The following ATP1A1 variants were observed in gnomAD, a reference collection of about 807,000 sequenced individuals.
The protein encoded by ATP1A1 is ATPase Na+/K+ transporting subunit alpha 1, also known as sodium/potassium-transporting ATPase subunit alpha-1.
A neutral mutation model predicts 114.8 loss-of-function variants in ATP1A1; 14 were observed. The observed-to-expected ratio is 0.12, with a 90% CI of 0.08 to 0.19. ATP1A1 has a LOEUF of 0.19. ATP1A1 is among the 10% of genes least tolerant of loss of function. The pLI is 1.00. For missense variants in ATP1A1, 524 were observed against 1,290.7 expected (o/e 0.41, Z 9.10); for synonymous variants, 471 against 466.3 (o/e 1.01, Z -0.13).
intron 12 of ATP1A1, among the ~76,000 whole-genome samples, chr1:116,394,127 C>T (rs995901375): frequency 6.6e-6 from 1 of 152,096 alleles, no homozygotes; most frequent in African/African-American, 2.4e-5. Context: ...CATACTATTT[C>T]CTGACTGCCT....
chr1:116,404,583 T>C lies in ATP1A1; in HGVS notation c.*139T>C. 7.2e-7 allele frequency: 1 copy of C among 1,385,940 alleles called. No homozygotes were observed. Among genetic ancestry groups the C allele is most frequent in the Non-Finnish European group, 9.3e-7 (1 of 1,071,498 alleles). The allele number at this position is 1,385,940 out of a possible 1,614,324, so 85.9% of individuals were successfully genotyped here. A position where few individuals can be genotyped will look rare whatever the true frequency, so the allele number is the denominator to read the frequency against. On this transcript the variant is annotated 3_prime_UTR_variant, in exon 23 of 23. Transcript: ENST00000295598. This position sits in a 1 kb window ranked among gnomAD's most constrained non-coding sequence, Gnocchi z 4.8. ...CCGCAGCATGTGGGGAAGCAAGACG[T>C]CCTGGAATGAAGCATGTAGCTCTAT... is the stretch of plus-strand genomic sequence containing the variant.
Position 116,373,369 on chromosome 1 carries a change from C to CGG in ATP1A1, c.-143_-142insGG. On this transcript the variant is annotated 5_prime_UTR_variant, in exon 1 of 23. Coordinates refer to ENST00000295598, the MANE Select transcript of ATP1A1 (RefSeq NM_000701.8). ...GCATCGGCCCGAGCCGCCGGCCGCC[C>CGG]TCCCACCCTCCCGCCCCGCGGCAGC... 2.1e-6 allele frequency: 1 copy of CGG among 485,898 alleles called. No individual in the cohort carries two copies. The highest frequency in any genetic ancestry group is 3.3e-6 in the Non-Finnish European group (1 of 299,822). The allele number at this position is 485,898 out of a possible 1,614,324, so 30.1% of individuals were successfully genotyped here.
rs1220249973 is a variant in ATP1A1 at position 116,399,834 on chromosome 1, T to C, written c.2572+291T>C. Among the ~76,000 whole-genome samples the C allele has an allele frequency of 6.6e-6, 1 of 152,226 alleles. No homozygotes were observed. The highest frequency in any genetic ancestry group is 1.9e-4 in the East Asian group (1 of 5,202). ...TGAGGATGTCCTTCCTCACTGAGCC[T>C]TGCGGAACAGGAGGCATGGTTCTAA... On this transcript the variant is annotated intron_variant, in intron 18 of 22. Transcript: ENST00000295598. This position sits in a 1 kb window ranked among gnomAD's most constrained non-coding sequence, Gnocchi z 5.0.
Position 116,388,104 on chromosome 1 carries a change from G to A in ATP1A1, c.388-27G>A, listed in dbSNP as rs183734467. On this transcript the variant is annotated intron_variant, in intron 4 of 22. Coordinates refer to ENST00000295598, the MANE Select transcript of ATP1A1 (RefSeq NM_000701.8). The surrounding 1 kb of genome is among the most constrained non-coding windows in gnomAD (Gnocchi z 5.6). ...TCCCTAATTATTGTGTAGAGCCACG[G>A]GCCCTAACTTGTCTTTTCCCTTCCA... is the stretch of plus-strand genomic sequence containing the variant. 2.0e-6 allele frequency: 3 copies of A among 1,473,140 alleles called. No individual in the cohort carries two copies. Among genetic ancestry groups the A allele is most frequent in the East Asian group, 4.6e-5 (2 of 43,182 alleles). 91.3% of individuals were successfully genotyped at this position (1,473,140 alleles called of 1,614,324 possible).
At chr1:116,396,274 TC>T (rs1158559941) in intron 13 of ATP1A1, among the ~76,000 whole-genome samples, 3 of 144,574 alleles carry the variant, frequency 2.1e-5, no homozygotes, top group African/African-American at 5.4e-5. Flanking sequence ...CAGATTTTTA[TC>T]CTTTTTTTTT....
At chr1:116,394,943 G>A (rs939961457) in intron 12 of ATP1A1, among the ~76,000 whole-genome samples, 167 bp from the exon 13 acceptor site, 18 of 151,900 alleles carry the variant, frequency 1.2e-4, no homozygotes, top group South Asian at 4.2e-4. Context: ...TGACTCTATC[G>A]TTCATAAATG....
rs1652693182 is a variant in ATP1A1 at position 116,393,997 on chromosome 1, TTC to T, written c.1660+276_1660+277del. ...AGACCTTTGGTCTCATGCTAGTCAG[TTC>T]TGTTTGTTTAAAAAAAAAAATGGTG... On this transcript the variant is annotated intron_variant, in intron 12 of 22. Coordinates refer to ENST00000295598, the MANE Select transcript of ATP1A1 (RefSeq NM_000701.8). The surrounding 1 kb of genome is among the most constrained non-coding windows in gnomAD (Gnocchi z 5.0). 6.6e-6 allele frequency among the ~76,000 whole-genome samples: 1 copy of T among 152,040 alleles called. No homozygotes were observed. The highest frequency in any genetic ancestry group is 2.1e-4 in the South Asian group (1 of 4,822).
intron 1 of ATP1A1, 127 bp downstream of exon 1, chr1:116,373,650 G>A: frequency 1.7e-6 from 2 of 1,143,182 alleles, no homozygotes; most frequent in Non-Finnish European, 2.3e-6. Flanking sequence ...GGAGTGGGCT[G>A]GCAGAGCCGC....
At chr1:116,392,628 C>A in intron 10 of ATP1A1, 1 of 446,658 alleles carries the variant, frequency 2.2e-6, no homozygotes, top group Non-Finnish European at 3.9e-6. Context: ...CTAGAAGCTG[C>A]TGTGGGGTGG....
In ATP1A1 at chr1:116,384,034, G is replaced by T; in HGVS notation, c.33G>T (p.Glu11Asp). The T allele has an allele frequency of 6.2e-7, 1 of 1,614,088 alleles. No homozygotes were observed. The highest frequency in any genetic ancestry group is 8.5e-7 in the Non-Finnish European group (1 of 1,179,990). The stretch of plus-strand genomic sequence containing the variant: ...TACAGGTTGGACGTGATAAGTATGA[G>T]CCTGCAGCTGTTTCAGAACAAGGTG... MGKGVGRDKY[E>D]PAAVSEQGDK... The change falls in exon 2 of 23, where the codon GAG becomes GAT. Residue 11 changes from glutamate to aspartate, a missense_variant. Physicochemically the swap from Glu to Asp is conservative, Grantham distance 45 (BLOSUM62 2). Around this residue, in one of 8 missense-constraint regions of ATP1A1, gnomAD observed 33 missense variants for 31.2 expected, o/e 1.06. Transcript: ENST00000295598. The surrounding 1 kb of genome is among the most constrained non-coding windows in gnomAD (Gnocchi z 5.1).
Position 116,389,024 on chromosome 1 carries a change from G to A in ATP1A1, c.754+5G>A. 6.2e-7 allele frequency: 1 copy of A among 1,611,568 alleles called. No homozygotes were observed. Among genetic ancestry groups the A allele is most frequent in the East Asian group, 2.2e-5 (1 of 44,882 alleles). On this transcript the variant is annotated splice_donor_5th_base_variant and intron_variant, in intron 7 of 22. Coordinates refer to ENST00000295598, the MANE Select transcript of ATP1A1 (RefSeq NM_000701.8). The surrounding 1 kb of genome is among the most constrained non-coding windows in gnomAD (Gnocchi z 6.9). Reference sequence around the variant, plus strand: ...TTTCAACCAATTGTGTTGAAGGTAGGCCATTTTTGGGCACTTTGAGCATGG... The same window carrying A: ...TTTCAACCAATTGTGTTGAAGGTAGACCATTTTTGGGCACTTTGAGCATGG...
chr1:116,375,541 G>A (rs1168340540), intron 1 of ATP1A1, among the ~76,000 whole-genome samples: 1 of 152,200 alleles, frequency 6.6e-6, no homozygotes, highest in African/African-American at 2.4e-5. Flanking sequence ...AATGTATAGT[G>A]GCTAGCAAAC....
intron 1 of ATP1A1, among the ~76,000 whole-genome samples, chr1:116,375,406 T>G (rs1362810967): frequency 6.6e-6 from 1 of 152,262 alleles, no homozygotes; most frequent in African/African-American, 2.4e-5. Context: ...TTTGGGTAAC[T>G]AAGTTATGTC....
Position 116,404,332 on chromosome 1 carries a change from G to GT in ATP1A1, c.3044-80dup. 6.3e-7 allele frequency: 1 copy of GT among 1,576,214 alleles called. No homozygotes were observed. The highest frequency in any genetic ancestry group is 8.7e-7 in the Non-Finnish European group (1 of 1,148,574). ...CCCGACCCCCATCATCCTCCGGTTG[G>GT]TTTTCATCCCTGTTTCCCTCTGTAA... On this transcript the variant is annotated intron_variant, in intron 22 of 22. Transcript: ENST00000295598. The surrounding 1 kb of genome is among the most constrained non-coding windows in gnomAD (Gnocchi z 4.8).
Position 116,404,432 on chromosome 1 carries a change from A to G in ATP1A1, c.3060A>G (p.Glu1020=), listed in dbSNP as rs751315597. 2 of 1,612,788 alleles carry G rather than the reference A, an allele frequency of 1.2e-6. No individual in the cohort carries two copies. The highest frequency in any genetic ancestry group is 2.2e-5 in the South Asian group (2 of 90,940). Residue 1020 remains glutamate (E), a synonymous_variant, in exon 23 of 23, where the codon GAA becomes GAG. Transcript: ENST00000295598. This position sits in a 1 kb window ranked among gnomAD's most constrained non-coding sequence, Gnocchi z 4.8. Reference sequence around the variant, plus strand: ...CACCCACAGGCTGGGTGGAGAAGGAAACCTACTATTAGCCCCCCGTCCTGC... The same window carrying G: ...CACCCACAGGCTGGGTGGAGAAGGAGACCTACTATTAGCCCCCCGTCCTGC... ...RRRPGGWVEK[E]TYY
chr1:116,388,009 C>T lies in ATP1A1; in HGVS notation c.388-122C>T, dbSNP rs902753844. ...AAGGATAAATAAGAAAACATGAGTTCTATATTTCTGAAATCTTGGTTTCTC... is the reference window on the plus strand; with the variant it reads ...AAGGATAAATAAGAAAACATGAGTTTTATATTTCTGAAATCTTGGTTTCTC... On this transcript the variant is annotated intron_variant, in intron 4 of 22. Coordinates refer to ENST00000295598, the MANE Select transcript of ATP1A1 (RefSeq NM_000701.8). The surrounding 1 kb of genome is among the most constrained non-coding windows in gnomAD (Gnocchi z 5.6). The T allele has an allele frequency of 2.5e-5, 17 of 671,150 alleles. No homozygotes were observed. Among genetic ancestry groups the T allele is most frequent in the Middle Eastern group, 3.9e-4 (1 of 2,584 alleles). 41.6% of individuals were successfully genotyped at this position (671,150 alleles called of 1,614,324 possible). A position where few individuals can be genotyped will look rare whatever the true frequency, so the allele number is the denominator to read the frequency against.
rs770027849 is a variant in ATP1A1, at chr1:116,399,571, G to A, written c.2572+28G>A. 1.2e-6 allele frequency: 2 copies of A among 1,613,126 alleles called. No individual in the cohort carries two copies. Among genetic ancestry groups the A allele is most frequent in the African/African-American group, 1.3e-5 (1 of 74,832 alleles). Reference sequence around the variant, plus strand: ...AAGCTGCAGCCTGGAGTGGGAAGCTGGCACATCTAAGGCATCTGAGGTGAT... The same window carrying A: ...AAGCTGCAGCCTGGAGTGGGAAGCTAGCACATCTAAGGCATCTGAGGTGAT... On this transcript the variant is annotated intron_variant, in intron 18 of 22. Transcript: ENST00000295598. The surrounding 1 kb of genome is among the most constrained non-coding windows in gnomAD (Gnocchi z 5.0).
At chr1:116,396,807 T>G (rs185543117) in intron 14 of ATP1A1, 73 bp downstream of exon 14, 1 of 1,474,822 alleles carries the variant, frequency 6.8e-7, no homozygotes, top group African/African-American at 1.4e-5. Context: ...TTCAGCGTGG[T>G]TCTATAATGG....
Position 116,384,671 on chromosome 1 carries a change from C to T in ATP1A1, c.124-112C>T, listed in dbSNP as rs1651961372. ...GTACCAACTTATGCACTGAAGAAAA[C>T]ATCTGCACTTTGTTTAATAAGCTTA... On this transcript the variant is annotated intron_variant, in intron 2 of 22. Transcript: ENST00000295598. This position sits in a 1 kb window ranked among gnomAD's most constrained non-coding sequence, Gnocchi z 5.1. The T allele has an allele frequency of 2.1e-6, 2 of 946,434 alleles. No individual in the cohort carries two copies. The highest frequency in any genetic ancestry group is 1.6e-5 in the South Asian group (1 of 63,886). The allele number at this position is 946,434 out of a possible 1,614,324, so 58.6% of individuals were successfully genotyped here.
Sources: allele counts gnomAD v4.1 joint callset (sites outside exome capture counted in the v4.1 genomes callset), GRCh38; gene constraint gnomAD v4.1.1; regional missense constraint gnomAD v4.1.1; non-coding constraint Gnocchi (gnomAD v3.1); transcripts MANE v1.5; gene names NCBI Gene and HGNC (gene_info 2026-07-23, HGNC 2026-07-21).